MINDY4: variants seen among roughly 807,000 people sequenced by gnomAD.
MINDY4 encodes probable ubiquitin carboxyl-terminal hydrolase MINDY-4.
Under a neutral mutation model 87.0 loss-of-function variants are expected in MINDY4, and 68 were observed. The observed-to-expected ratio is 0.78, with a 90% CI of 0.64 to 0.96. The LOEUF (loss-of-function observed/expected upper bound fraction) is 0.96, where lower values mean the gene tolerates loss of function less well. Ranked by LOEUF, MINDY4 falls within the 40% of genes least tolerant of loss-of-function variation. MINDY4 has a pLI of 0.00. For synonymous variants in MINDY4, 379 were observed against 363.2 expected (o/e 1.04, Z -0.50); for missense variants, 919 against 928.2 (o/e 0.99, Z 0.13).
chr7:30,844,723 T>C (rs1031068781), intron 9 of MINDY4, among the ~76,000 whole-genome samples: 1 of 152,058 alleles, frequency 6.6e-6, no homozygotes, highest in African/African-American at 2.4e-5. Context: ...GGAGGGGGAA[T>C]GCCTGGCTTT....
At chr7:30,783,391 C>A (rs1562529283) in intron 3 of MINDY4, among the ~76,000 whole-genome samples, 1 of 152,138 alleles carries the variant, frequency 6.6e-6, no homozygotes, top group Non-Finnish European at 1.5e-5. Context: ...TTAATCACAT[C>A]TGCAAAATCC....
chr7:30,857,937 A>G (rs2128573286), intron 12 of MINDY4: 1 of 152,648 alleles, frequency 6.6e-6, no homozygotes, highest in Admixed American at 6.5e-5. Context: ...ACCATAGTAG[A>G]GCACCATATT....
chr7:30,859,422 G>A, intron 13 of MINDY4, 98 bp downstream of exon 13: 1 of 1,137,206 alleles, frequency 8.8e-7, no homozygotes, highest in South Asian at 1.3e-5. Flanking sequence ...CACATGTTGA[G>A]GGCTCTGTGA....
At chr7:30,807,771 G>A (rs761858389) in intron 5 of MINDY4, among the ~76,000 whole-genome samples, 7 of 152,076 alleles carry the variant, frequency 4.6e-5, no homozygotes, top group Non-Finnish European at 1.0e-4. Flanking sequence ...TCTAATTACC[G>A]GTGCATGCAG....
At chr7:30,876,814 C>T (rs374200604) in intron 15 of MINDY4, among the ~76,000 whole-genome samples, 42 of 152,260 alleles carry the variant, frequency 2.8e-4, no homozygotes, top group African/African-American at 9.1e-4. Flanking sequence ...TCATTCACCA[C>T]CTATCCTCAG....
At chr7:30,866,557 T>C (rs559041402) in intron 13 of MINDY4, among the ~76,000 whole-genome samples, 20 of 152,244 alleles carry the variant, frequency 1.3e-4, no homozygotes, top group African/African-American at 3.9e-4. Flanking sequence ...AAGACCAGTG[T>C]GTGAAAAGCA....
intron 6 of MINDY4, among the ~76,000 whole-genome samples, chr7:30,829,206 T>G (rs1209244382): frequency 6.6e-6 from 1 of 152,234 alleles, no homozygotes; most frequent in Non-Finnish European, 1.5e-5. Flanking sequence ...GCATCTTCAC[T>G]TCTGTGTACA....
chr7:30,850,826 T>C (rs969561703), intron 10 of MINDY4, among the ~76,000 whole-genome samples: 3 of 152,164 alleles, frequency 2.0e-5, no homozygotes, highest in African/African-American at 7.2e-5. Context: ...CCTGAGGAGC[T>C]CTGGGGTGAC....
chr7:30,852,183 C>A, intron 10 of MINDY4, 33 bp from the exon 11 acceptor site: 3 of 1,613,754 alleles, frequency 1.9e-6, no homozygotes, highest in Non-Finnish European at 2.5e-6. Flanking sequence ...TCTCTCCACT[C>A]AGAGGACTCA....
rs751960716 is a variant in MINDY4 at position 30,853,411 on chromosome 7, G to A, written c.1629G>A (p.Leu543=). 1 of 1,613,724 alleles carries A rather than the reference G, an allele frequency of 6.2e-7. No homozygotes were observed. ...CTTCTCAGCTTACGCTTCACAGTTT[G>A]ACCTGCTATGAGGACCTGGTGACTT... ...GVLETLTLHS[L]TCYEDLVTFL... The change falls in exon 12 of 18, where the codon TTG becomes TTA. Residue 543 remains leucine, a synonymous_variant. Transcript: ENST00000265299.
chr7:30,861,002 G>A (rs189371570), intron 13 of MINDY4, among the ~76,000 whole-genome samples: 1 of 151,124 alleles, frequency 6.6e-6, no homozygotes, highest in African/African-American at 2.4e-5. Flanking sequence ...GCCACACACA[G>A]AGACACACAC....
chr7:30,780,576 A>G (rs553141895), intron 2 of MINDY4: 3 of 152,336 alleles, frequency 2.0e-5, no homozygotes, highest in South Asian at 4.1e-4. Context: ...TATCTACTAC[A>G]TAATAATTTT....
chr7:30,771,426 C>T lies in MINDY4; in HGVS notation c.-68C>T, dbSNP rs914194876. On this transcript the variant is annotated 5_prime_UTR_variant, in exon 1 of 18. Coordinates refer to ENST00000265299, the MANE Select transcript of MINDY4 (RefSeq NM_032222.3). ...CCACGGCAACGCGGCCATACTGCGCCGGACAGACCCAGTTGCCTGGTGCTG... is the reference window on the plus strand; with the variant it reads ...CCACGGCAACGCGGCCATACTGCGCTGGACAGACCCAGTTGCCTGGTGCTG... The T allele has an allele frequency of 2.6e-5, 39 of 1,527,936 alleles. No homozygotes were observed. In the South Asian group the frequency reaches 4.2e-4, roughly 16 times the overall value. 94.6% of individuals were successfully genotyped at this position (1,527,936 alleles called of 1,614,324 possible). A position where few individuals can be genotyped will look rare whatever the true frequency, so the allele number is the denominator to read the frequency against.
chr7:30,789,398 C>A (rs929960405), intron 4 of MINDY4, among the ~76,000 whole-genome samples: 1 of 152,206 alleles, frequency 6.6e-6, no homozygotes, highest in East Asian at 1.9e-4. Flanking sequence ...TCGCCAGATT[C>A]TCTAGAAGGG....
intron 5 of MINDY4, among the ~76,000 whole-genome samples, chr7:30,826,519 CGTTCAGCTTGGAGGAAATGCAGGCAGAGT>C (rs1279302991): frequency 1.3e-5 from 2 of 152,182 alleles, no homozygotes; most frequent in East Asian, 3.8e-4. Flanking sequence ...TGAGCTGAGA[CGTTCAGCTTGGAGGAAATGCAGGCAGAGT>C]GTGATGGCCC....
At chr7:30,864,161 G>A (rs1262101719) in intron 13 of MINDY4, among the ~76,000 whole-genome samples, 1 of 152,230 alleles carries the variant, frequency 6.6e-6, no homozygotes, top group African/African-American at 2.4e-5. Flanking sequence ...CGGAAGAGGT[G>A]GTAGCTTCTC....
chr7:30,845,317 C>T (rs1458459882), intron 9 of MINDY4, among the ~76,000 whole-genome samples: 9 of 152,154 alleles, frequency 5.9e-5, no homozygotes, highest in African/African-American at 2.2e-4. Flanking sequence ...CTGCCCCACA[C>T]GAGCAAAGGG....
At chr7:30,887,198 T>C (rs1790657940) in intron 17 of MINDY4, among the ~76,000 whole-genome samples, 1 of 152,158 alleles carries the variant, frequency 6.6e-6, no homozygotes, top group Non-Finnish European at 1.5e-5. Context: ...CCAGGCTCCC[T>C]GTCCACAGTG....
At chr7:30,870,215 G>A (rs942468673) in intron 13 of MINDY4, among the ~76,000 whole-genome samples, 1 of 152,152 alleles carries the variant, frequency 6.6e-6, no homozygotes, top group African/African-American at 2.4e-5. Context: ...TCTCGAGCCC[G>A]CTGGGTGAAC....
Sources: allele counts gnomAD v4.1 joint callset (sites outside exome capture counted in the v4.1 genomes callset), GRCh38; gene constraint gnomAD v4.1.1; transcripts MANE v1.5; gene names NCBI Gene and HGNC (gene_info 2026-07-23, HGNC 2026-07-21).